The following GRIA4 variants were observed in gnomAD, a reference collection of about 807,000 sequenced individuals.
The protein encoded by GRIA4 is glutamate ionotropic receptor AMPA type subunit 4.
Under a neutral mutation model 104.0 loss-of-function variants are expected in GRIA4, and 34 were observed. That is an observed-to-expected ratio of 0.33 (90% CI 0.25 to 0.44). GRIA4 has a LOEUF of 0.44. Among genes scored for constraint, GRIA4 ranks in the 20% least tolerant of loss-of-function variants. The pLI, the probability that GRIA4 is intolerant of heterozygous loss-of-function variation, is 1.00. For missense variants in GRIA4, 750 were observed against 1,096.5 expected (o/e 0.68, Z 4.46); for synonymous variants, 386 against 381.9 (o/e 1.01, Z -0.13).
chr11:105,822,222 C>A (rs564501084), intron 4 of GRIA4, among the ~76,000 whole-genome samples: 1 of 152,106 alleles, frequency 6.6e-6, no homozygotes, highest in Non-Finnish European at 1.5e-5. Context: ...AGTTTAAATG[C>A]CAGGCAAAAG....
chr11:105,662,929 G>A (rs988725329), intron 3 of GRIA4, among the ~76,000 whole-genome samples: 3 of 151,736 alleles, frequency 2.0e-5, no homozygotes, highest in Non-Finnish European at 4.4e-5. Context: ...CACTATCTCT[G>A]ACACCAAATT....
chr11:105,952,131 G>A (rs868389822), intron 14 of GRIA4, among the ~76,000 whole-genome samples: 6 of 152,016 alleles, frequency 3.9e-5, no homozygotes, highest in Non-Finnish European at 7.4e-5. Flanking sequence ...TTTTTATTTC[G>A]CTTACCTTTA....
At chr11:105,902,144 G>A (rs1267233938) in intron 7 of GRIA4, among the ~76,000 whole-genome samples, 1 of 152,072 alleles carries the variant, frequency 6.6e-6, no homozygotes, top group African/African-American at 2.4e-5. Flanking sequence ...GAATATATAG[G>A]AAAGCTCTTA....
At position 105,815,433 on chromosome 11, in the gene GRIA4, T is replaced by C. The variant is rs185266285; in HGVS notation, c.488-46591T>C. On this transcript the variant is annotated intron_variant, in intron 4 of 16. Transcript: ENST00000282499. ...CTCTATTATCTAATGGAAAGGTAGA[T>C]GGGAATGTTTCCCTTCCCAGAGCCC... 2.0e-3 allele frequency among the ~76,000 whole-genome samples: 300 copies of C among 152,246 alleles called. 2 individuals carry two copies. The highest frequency in any genetic ancestry group is 6.8e-3 in the African/African-American group (282 of 41,548).
At chr11:105,725,696 G>A (rs539281089) in intron 3 of GRIA4, among the ~76,000 whole-genome samples, 10 of 152,150 alleles carry the variant, frequency 6.6e-5, no homozygotes, top group Non-Finnish European at 1.2e-4. Flanking sequence ...TGAGGAAACC[G>A]GTTCATCTCA....
intron 3 of GRIA4, among the ~76,000 whole-genome samples, chr11:105,724,141 T>A (rs369705060): frequency 2.6e-4 from 39 of 152,150 alleles, no homozygotes; most frequent in Non-Finnish European, 3.2e-4. Context: ...TACCGTTCAA[T>A]CTAGCAATCC....
chr11:105,616,420 C>T (rs895555712), intron 3 of GRIA4, among the ~76,000 whole-genome samples: 6 of 151,430 alleles, frequency 4.0e-5, no homozygotes, highest in South Asian at 2.1e-4. Context: ...TAAAAGTATA[C>T]GTAAAATAGA....
chr11:105,914,082 C>T (rs930464088), intron 10 of GRIA4, among the ~76,000 whole-genome samples: 9 of 151,608 alleles, frequency 5.9e-5, no homozygotes, highest in Non-Finnish European at 1.5e-5. Context: ...TACAGACATA[C>T]ATACAGAAAA....
chr11:105,951,320 G>A (rs1245550568), intron 14 of GRIA4, among the ~76,000 whole-genome samples: 1 of 152,142 alleles, frequency 6.6e-6, no homozygotes, highest in East Asian at 1.9e-4. Flanking sequence ...ATGTAACAGA[G>A]ACCAGTTCTT....
intron 3 of GRIA4, among the ~76,000 whole-genome samples, chr11:105,648,492 C>A (rs2135374944): frequency 6.6e-6 from 1 of 150,430 alleles, no homozygotes; most frequent in South Asian, 2.1e-4. Flanking sequence ...TTTACACAAC[C>A]AATTTGAATG....
chr11:105,771,357 C>T (rs953819172), intron 4 of GRIA4, among the ~76,000 whole-genome samples: 10 of 151,970 alleles, frequency 6.6e-5, no homozygotes, highest in Admixed American at 2.0e-4. Flanking sequence ...TATCCCTGAC[C>T]GTAGACATAA....
At chr11:105,945,795 G>T (rs1233285040) in intron 14 of GRIA4, among the ~76,000 whole-genome samples, 2 of 152,066 alleles carry the variant, frequency 1.3e-5, no homozygotes, top group African/African-American at 2.4e-5. Context: ...TTAGATACTT[G>T]CATAGGCCTT....
chr11:105,633,390 G>A (rs1158608983), intron 3 of GRIA4, among the ~76,000 whole-genome samples: 1 of 152,120 alleles, frequency 6.6e-6, no homozygotes, highest in East Asian at 1.9e-4. Flanking sequence ...AGCTTCTTGA[G>A]GGCAGAGTCT....
At chr11:105,939,010 A>G (rs1948119384) in intron 14 of GRIA4, among the ~76,000 whole-genome samples, 1 of 152,194 alleles carries the variant, frequency 6.6e-6, no homozygotes, top group Admixed American at 6.5e-5. Context: ...CTAAAATTAC[A>G]ACTCCTCATG....
intron 4 of GRIA4, among the ~76,000 whole-genome samples, chr11:105,815,633 C>T (rs1369152592): frequency 6.6e-6 from 1 of 151,452 alleles, no homozygotes; most frequent in Non-Finnish European, 1.5e-5. Context: ...TTTAAATACA[C>T]TGCCAAGTAT....
At chr11:105,928,115 C>T (rs1192818451) in intron 13 of GRIA4, among the ~76,000 whole-genome samples, 1 of 151,896 alleles carries the variant, frequency 6.6e-6, no homozygotes. Context: ...CTTTTGTATA[C>T]TTGAATTTCT....
intron 3 of GRIA4, among the ~76,000 whole-genome samples, chr11:105,644,519 G>C (rs1451359750): frequency 6.6e-6 from 1 of 152,048 alleles, no homozygotes; most frequent in African/African-American, 2.4e-5. Flanking sequence ...TGAGGGGATT[G>C]CTTGAACCTG....
chr11:105,801,635 CACTACCATTT>C (rs1248654730), intron 4 of GRIA4, among the ~76,000 whole-genome samples: 6 of 151,894 alleles, frequency 4.0e-5, no homozygotes, highest in Admixed American at 2.6e-4. Context: ...AAATAATAGC[CACTACCATTT>C]ACTACCATTT....
intron 4 of GRIA4, among the ~76,000 whole-genome samples, chr11:105,780,127 T>A (rs752606963): frequency 4.6e-5 from 7 of 152,180 alleles, no homozygotes; most frequent in Admixed American, 1.3e-4. Flanking sequence ...TTTTAAGCCC[T>A]ATTTTCGTTA....
Sources: gnomAD v4.1 joint callset for allele counts (sites outside exome capture counted in the v4.1 genomes callset) on GRCh38, gnomAD v4.1.1 for gene constraint, MANE v1.5 for transcripts, NCBI Gene and HGNC (gene_info 2026-07-23, HGNC 2026-07-21) for gene names.